Variants in LRRC7 observed in about 807,000 individuals in gnomAD.
The protein encoded by LRRC7 is leucine-rich repeat-containing protein 7.
Under a neutral mutation model 175.7 loss-of-function variants are expected in LRRC7, and 23 were observed. The ratio of observed to expected loss-of-function variants is 0.13; its 90% CI spans 0.09 to 0.19. The LOEUF is 0.19. Among genes scored for constraint, LRRC7 ranks in the 10% least tolerant of loss-of-function variants. LRRC7 has a pLI of 1.00. For synonymous variants in LRRC7, 685 were observed against 680.9 expected (o/e 1.01, Z -0.09); for missense variants, 1,354 against 1,904.7 (o/e 0.71, Z 5.38).
At chr1:69,591,462 A>T (rs1050767428) in intron 1 of LRRC7, among the ~76,000 whole-genome samples, 6 of 152,062 alleles carry the variant, frequency 3.9e-5, no homozygotes, top group African/African-American at 1.4e-4. Flanking sequence ...GCAAAGATAC[A>T]TCACACATAC....
chr1:69,859,651 G>A (rs1684144718), intron 7 of LRRC7, among the ~76,000 whole-genome samples: 1 of 151,786 alleles, frequency 6.6e-6, no homozygotes, highest in Non-Finnish European at 1.5e-5. Context: ...ATCACCTTTG[G>A]GGAAGCTTTT....
chr1:70,033,251 C>T (rs1410526174), intron 18 of LRRC7, among the ~76,000 whole-genome samples: 1 of 151,998 alleles, frequency 6.6e-6, no homozygotes, highest in African/African-American at 2.4e-5. Context: ...ATGATTTTAC[C>T]TCACTGAGCC....
At chr1:69,780,074 A>T (rs1034475022) in intron 3 of LRRC7, among the ~76,000 whole-genome samples, 2 of 152,140 alleles carry the variant, frequency 1.3e-5, no homozygotes, top group Non-Finnish European at 2.9e-5. Context: ...TTTCATCTGG[A>T]TGTTTTCTAA....
At chr1:69,809,199 A>C (rs949527444) in intron 4 of LRRC7, among the ~76,000 whole-genome samples, 1 of 152,294 alleles carries the variant, frequency 6.6e-6, no homozygotes, top group South Asian at 2.1e-4. Flanking sequence ...TCCTGAACAC[A>C]TACACCCTCC....
chr1:70,063,355 C>A (rs1466714042), intron 23 of LRRC7, among the ~76,000 whole-genome samples: 1 of 151,992 alleles, frequency 6.6e-6, no homozygotes, highest in African/African-American at 2.4e-5. Flanking sequence ...GGGGAGAAAT[C>A]TAAAAGCAAA....
intron 2 of LRRC7, among the ~76,000 whole-genome samples, chr1:69,708,768 C>T (rs934387347): frequency 2.7e-4 from 41 of 152,130 alleles, no homozygotes; most frequent in African/African-American, 9.9e-4. Context: ...TCATATTCCT[C>T]CTAGGGCCAG....
At chr1:69,704,715 C>T (rs1270290674) in intron 2 of LRRC7, among the ~76,000 whole-genome samples, 1 of 151,828 alleles carries the variant, frequency 6.6e-6, no homozygotes, top group Non-Finnish European at 1.5e-5. Flanking sequence ...CTTCATAAAT[C>T]TAATACATTG....
chr1:69,786,084 T>C (rs766147854), intron 3 of LRRC7, among the ~76,000 whole-genome samples: 1 of 152,186 alleles, frequency 6.6e-6, no homozygotes, highest in East Asian at 1.9e-4. Context: ...ATATATTTAG[T>C]GATTTTTTTA....
At chr1:69,940,280 C>T (rs898832179) in intron 8 of LRRC7, among the ~76,000 whole-genome samples, 2 of 152,084 alleles carry the variant, frequency 1.3e-5, no homozygotes, top group Non-Finnish European at 2.9e-5. Context: ...CCTTTTCTTG[C>T]TCTTGAATTT....
At chr1:69,762,810 A>C (rs912125891) in intron 3 of LRRC7, among the ~76,000 whole-genome samples, 1 of 152,038 alleles carries the variant, frequency 6.6e-6, no homozygotes, top group Non-Finnish European at 1.5e-5. Context: ...ATATAAGTAC[A>C]CCAAAGACTT....
chr1:69,813,083 A>G (rs1241479379), intron 4 of LRRC7, among the ~76,000 whole-genome samples: 3 of 152,092 alleles, frequency 2.0e-5, no homozygotes. Flanking sequence ...ATCTTCAAAC[A>G]TCTTTTACCC....
intron 1 of LRRC7, among the ~76,000 whole-genome samples, chr1:69,615,977 T>C (rs1417199696): frequency 1.3e-5 from 2 of 152,032 alleles, no homozygotes; most frequent in Non-Finnish European, 1.5e-5. Flanking sequence ...TCACGAATTA[T>C]GTATTACCCA....
Position 69,739,399 on chromosome 1 carries a change from A to G in LRRC7, c.101-20792A>G, listed in dbSNP as rs1016041916. ...CAGCTGGTCCCCTGTAAGCCCAGGAATGTAGAAGAAGAAATTCTTTCTACC... is the reference window on the plus strand; with the variant it reads ...CAGCTGGTCCCCTGTAAGCCCAGGAGTGTAGAAGAAGAAATTCTTTCTACC... On this transcript the variant is annotated intron_variant, in intron 2 of 26. Coordinates refer to ENST00000651989, the MANE Select transcript of LRRC7 (RefSeq NM_001370785.2). Among the ~76,000 whole-genome samples, 3 of 152,104 alleles carry G rather than the reference A, an allele frequency of 2.0e-5. No individual in the cohort carries two copies. In the East Asian group the frequency reaches 5.8e-4, roughly 29 times the overall value.
chr1:69,617,000 T>G (rs1649740966), intron 1 of LRRC7, among the ~76,000 whole-genome samples: 1 of 152,142 alleles, frequency 6.6e-6, no homozygotes, highest in African/African-American at 2.4e-5. Context: ...AAGTCAAGGT[T>G]ATTCACTGTC....
chr1:70,074,951 T>C (rs1168762462), intron 23 of LRRC7, among the ~76,000 whole-genome samples: 1 of 152,186 alleles, frequency 6.6e-6, no homozygotes, highest in African/African-American at 2.4e-5. Context: ...TTCATAGTAA[T>C]CAAAAATCTT....
chr1:69,992,109 A>T (rs1199616175), intron 10 of LRRC7, among the ~76,000 whole-genome samples: 1 of 152,128 alleles, frequency 6.6e-6, no homozygotes, highest in Non-Finnish European at 1.5e-5. Context: ...ATCTTGCCTC[A>T]GTTTCATCAT....
intron 7 of LRRC7, among the ~76,000 whole-genome samples, chr1:69,887,446 C>T (rs1200349988): frequency 1.4e-5 from 2 of 144,326 alleles, no homozygotes; most frequent in African/African-American, 2.7e-5. Context: ...ACGTAGTTCT[C>T]GAGCCTTGGT....
rs1666948394 is a variant in LRRC7, at chr1:70,138,390, C to T, written c.*16503C>T. 1 of 152,156 alleles carries T rather than the reference C, an allele frequency of 6.6e-6. No individual in the cohort carries two copies. Among genetic ancestry groups the T allele is most frequent in the African/African-American group, 2.4e-5 (1 of 41,444 alleles). 9.4% of individuals were successfully genotyped at this position (152,156 alleles called of 1,614,324 possible). ...TAAAGCATAATGCCTACTACACAGA[C>T]ATCATTATTCTACTTAAAAGTCTTT... is the stretch of plus-strand genomic sequence containing the variant. On this transcript the variant is annotated 3_prime_UTR_variant, in exon 27 of 27. Coordinates refer to ENST00000651989, the MANE Select transcript of LRRC7 (RefSeq NM_001370785.2).
chr1:69,669,745 A>AT (rs920597493), intron 1 of LRRC7, among the ~76,000 whole-genome samples: 9 of 151,096 alleles, frequency 6.0e-5, no homozygotes, highest in South Asian at 2.1e-4. Context: ...GTCATGCTGT[A>AT]TTTTTTTTTA....
Sources: gnomAD v4.1 joint callset for allele counts (sites outside exome capture counted in the v4.1 genomes callset) on GRCh38, gnomAD v4.1.1 for gene constraint, MANE v1.5 for transcripts, NCBI Gene and HGNC (gene_info 2026-07-23, HGNC 2026-07-21) for gene names.